The following DPH6 variants were observed in gnomAD, a reference collection of about 807,000 sequenced individuals.
The protein encoded by DPH6 is diphthamine biosynthesis 6.
In DPH6, 33 loss-of-function variants were observed where a neutral mutation model predicts 38.2. The observed-to-expected ratio is 0.86, with a 90% confidence interval of 0.65 to 1.15. DPH6 has a LOEUF of 1.15. DPH6 is among the 50% of genes most tolerant of loss of function. The pLI, the probability that DPH6 is intolerant of heterozygous loss-of-function variation, is 0.00. For synonymous variants in DPH6, 108 were observed against 103.0 expected (o/e 1.05, Z -0.30); for missense variants, 325 against 320.0 (o/e 1.02, Z -0.12).
At chr15:35,253,309 T>A (rs1595447612) in intron 3 of DPH6, among the ~76,000 whole-genome samples, 1 of 152,186 alleles carries the variant, frequency 6.6e-6, no homozygotes, top group South Asian at 2.1e-4. Context: ...GGAATAAAAT[T>A]TTTACTGCTT....
chr15:35,391,632 C>A (rs1279703674), intron 6 of DPH6, among the ~76,000 whole-genome samples: 1 of 152,198 alleles, frequency 6.6e-6, no homozygotes, highest in African/African-American at 2.4e-5. Flanking sequence ...GGCGTAGGAC[C>A]CTCCGAACCA....
At chr15:35,385,315 A>C (rs1455569161) in intron 6 of DPH6, among the ~76,000 whole-genome samples, 1 of 152,244 alleles carries the variant, frequency 6.6e-6, no homozygotes, top group Non-Finnish European at 1.5e-5. Flanking sequence ...AGACACATGC[A>C]CACGTATGTT....
At chr15:35,438,991 T>C (rs1352849883) in intron 5 of DPH6, among the ~76,000 whole-genome samples, 2 of 152,230 alleles carry the variant, frequency 1.3e-5, no homozygotes, top group Non-Finnish European at 1.5e-5. Flanking sequence ...TTATATGGTT[T>C]TTCTGTAAAT....
intron 3 of DPH6, among the ~76,000 whole-genome samples, chr15:35,457,832 G>C (rs1227632464): frequency 6.6e-6 from 1 of 152,090 alleles, no homozygotes. Context: ...TCATTATTAT[G>C]ATCTTTACTA....
At chr15:35,479,334 T>G (rs2141144939) in intron 3 of DPH6, among the ~76,000 whole-genome samples, 1 of 152,220 alleles carries the variant, frequency 6.6e-6, no homozygotes, top group East Asian at 1.9e-4. Flanking sequence ...CACTGAATCT[T>G]AAAGTTTTGA....
At chr15:35,483,718 T>C (rs2141155621) in intron 3 of DPH6, among the ~76,000 whole-genome samples, 1 of 152,306 alleles carries the variant, frequency 6.6e-6, no homozygotes, top group African/African-American at 2.4e-5. Context: ...TGAAAACACA[T>C]GTCCACATAA....
At chr15:35,209,369 G>C in the DPH6 span, among the ~76,000 whole-genome samples, 1 of 151,998 alleles carries the variant, frequency 6.6e-6, no homozygotes, top group Non-Finnish European at 1.5e-5. Flanking sequence ...ATAAATTATG[G>C]CATAATCTAA....
chr15:35,515,472 A>T (rs1429241364), intron 3 of DPH6, among the ~76,000 whole-genome samples: 2 of 152,070 alleles, frequency 1.3e-5, no homozygotes, highest in Non-Finnish European at 2.9e-5. Flanking sequence ...CTGTAATCCC[A>T]GCACTTTGGG....
chr15:35,216,907 C>A (rs1310910319), downstream of DPH6, among the ~76,000 whole-genome samples: 1 of 152,112 alleles, frequency 6.6e-6, no homozygotes, highest in East Asian at 1.9e-4. Context: ...GCATGTGATT[C>A]TAGATGAGAT....
At chr15:35,359,618 C>T (rs964759041) in intron 3 of DPH6, among the ~76,000 whole-genome samples, 1 of 152,174 alleles carries the variant, frequency 6.6e-6, no homozygotes, top group East Asian at 1.9e-4. Context: ...AAGTCGGAAA[C>T]TTCTCCCATA....
intron 3 of DPH6, among the ~76,000 whole-genome samples, chr15:35,486,570 G>C (rs527360595): frequency 2.6e-4 from 39 of 152,094 alleles, no homozygotes; most frequent in Non-Finnish European, 5.3e-4. Context: ...AGCATGGGTA[G>C]AAATTGCCCC....
At chr15:35,154,462 T>C in the DPH6 span, among the ~76,000 whole-genome samples, 1 of 152,214 alleles carries the variant, frequency 6.6e-6, no homozygotes, top group South Asian at 2.1e-4. Flanking sequence ...TCATTATGCA[T>C]GTAGCCCTGT....
chr15:35,496,567 A>AAAAATATATATATATATATATATATATAT, intron 3 of DPH6, among the ~76,000 whole-genome samples: 3 of 31,016 alleles, frequency 9.7e-5, no homozygotes, highest in Non-Finnish European at 1.1e-4. Context: ...AAAAAAAAAA[A>AAAAATATATATATATATATATATATATAT]ATATATATAT....
downstream of DPH6, among the ~76,000 whole-genome samples, chr15:35,366,228 T>TTGTGTGTGTGTGTGTG (rs10525441): frequency 6.9e-4 from 100 of 144,374 alleles, no homozygotes; most frequent in African/African-American, 1.1e-3. Flanking sequence ...TTTAGTCATC[T>TTGTGTGTGTGTGTGTG]TGTGTGTGTG....
chr15:35,355,155 C>T (rs767698736), intron 3 of DPH6, among the ~76,000 whole-genome samples: 17 of 152,062 alleles, frequency 1.1e-4, no homozygotes, highest in Admixed American at 2.0e-4. Context: ...TTCCTCCATC[C>T]GTTTACTTTG....
At chr15:35,191,234 T>C in the DPH6 span, among the ~76,000 whole-genome samples, 2 of 152,192 alleles carry the variant, frequency 1.3e-5, no homozygotes, top group Non-Finnish European at 2.9e-5. Context: ...TACTTCGAGG[T>C]ATATCCCTCT....
Position 35,315,078 on chromosome 15 carries a change from C to T in DPH6, n.200+58443G>A, listed in dbSNP as rs2052177372. On this transcript the variant is annotated intron_variant and non_coding_transcript_variant, in intron 3 of 3. Transcript: ENST00000560386. ...ATGAGATGAACCAAAAACTGCAATG[C>T]CTGAAGCTGGCATTGGTCAACAGAA... Among the ~76,000 whole-genome samples, 3 of 152,148 alleles carry T rather than the reference C, an allele frequency of 2.0e-5. No homozygotes were observed. In the South Asian group the frequency reaches 6.2e-4, roughly 32 times the overall value.
intron 3 of DPH6, among the ~76,000 whole-genome samples, chr15:35,357,151 G>A (rs1298429918): frequency 2.0e-5 from 3 of 152,220 alleles, no homozygotes; most frequent in Non-Finnish European, 2.9e-5. Context: ...ATTAGCGTGG[G>A]AATGACCCAA....
At chr15:35,226,715 T>A (rs1349032445) in intron 3 of DPH6, among the ~76,000 whole-genome samples, 1 of 152,156 alleles carries the variant, frequency 6.6e-6, no homozygotes, top group African/African-American at 2.4e-5. Flanking sequence ...TCCATGTTCA[T>A]GGATTGGAAG....
Sources: gnomAD v4.1 joint callset for allele counts (sites outside exome capture counted in the v4.1 genomes callset) on GRCh38, gnomAD v4.1.1 for gene constraint, MANE v1.5 for transcripts, NCBI Gene and HGNC (gene_info 2026-07-23, HGNC 2026-07-21) for gene names.